CD84: variants seen among roughly 807,000 people sequenced by gnomAD.
CD84 encodes the protein CD84 molecule, also known as SLAM family member 5.
Under a neutral mutation model 33.8 loss-of-function variants are expected in CD84, and 22 were observed. That is an observed-to-expected ratio of 0.65 (90% CI 0.46 to 0.93). The LOEUF (loss-of-function observed/expected upper bound fraction) is 0.93. Among genes scored for constraint, CD84 ranks in the 40% least tolerant of loss-of-function variants. The probability of loss-of-function intolerance (pLI) is 0.00; values close to 1 mark genes in which losing one functional copy is unlikely to be tolerated. For synonymous variants in CD84, 154 were observed against 145.2 expected (o/e 1.06, Z -0.44); for missense variants, 400 against 397.6 (o/e 1.01, Z -0.05).
chr1:160,545,732 C>G lies in CD84; in HGVS notation c.*2524G>C, dbSNP rs1365982468. 6.6e-6 allele frequency: 1 copy of G among 152,250 alleles called. No homozygotes were observed. The highest frequency in any genetic ancestry group is 1.5e-5 in the Non-Finnish European group (1 of 68,160). 9.4% of individuals were successfully genotyped at this position (152,250 alleles called of 1,614,324 possible). ...GCAACCTCCACCTCCCAGGTTCAAG[C>G]AATTCTCCCACCTCAGCCTCCCAAG... is the stretch of plus-strand genomic sequence containing the variant. On this transcript the variant is annotated 3_prime_UTR_variant, in exon 7 of 7. Coordinates refer to ENST00000368054, the MANE Select transcript of CD84 (RefSeq NM_003874.4).
At chr1:160,551,486 A>G (rs1386804880) in intron 4 of CD84, 2 of 175,550 alleles carry the variant, frequency 1.1e-5, no homozygotes, top group African/African-American at 2.4e-5. Flanking sequence ...CTCAATGTTA[A>G]GCCCATAGTA....
At chr1:160,556,935 G>A (rs1656649229) in intron 2 of CD84, among the ~76,000 whole-genome samples, 1 of 152,148 alleles carries the variant, frequency 6.6e-6, no homozygotes, top group South Asian at 2.1e-4. Flanking sequence ...ATTTTCTAAA[G>A]GGTTGACATT....
intron 1 of CD84, among the ~76,000 whole-genome samples, chr1:160,569,163 C>T (rs1657522975): frequency 1.3e-5 from 2 of 152,126 alleles, no homozygotes; most frequent in South Asian, 2.1e-4. Context: ...TTGGTGATGC[C>T]GGGGCCATAC....
intron 2 of CD84, 66 bp from the exon 3 acceptor site, chr1:160,554,212 A>G: frequency 1.5e-6 from 2 of 1,354,954 alleles, no homozygotes; most frequent in Non-Finnish European, 1.9e-6. Context: ...GTGGGAGCCA[A>G]TTGTTAAATT....
Position 160,544,919 on chromosome 1 carries a change from G to T in CD84, c.*3337C>A, listed in dbSNP as rs1655736510. 6.6e-6 allele frequency: 1 copy of T among 152,156 alleles called. No individual in the cohort carries two copies. Among genetic ancestry groups the T allele is most frequent in the Admixed American group, 6.5e-5 (1 of 15,276 alleles). 9.4% of individuals were successfully genotyped at this position (152,156 alleles called of 1,614,324 possible). A position where few individuals can be genotyped will look rare whatever the true frequency, so the allele number is the denominator to read the frequency against. ...TTTTGATGCACATTTTTAAAAACTGGCACACTTTGGTCTGATACAAGATCC... is the reference window on the plus strand; with the variant it reads ...TTTTGATGCACATTTTTAAAAACTGTCACACTTTGGTCTGATACAAGATCC... On this transcript the variant is annotated 3_prime_UTR_variant, in exon 7 of 7. Transcript: ENST00000368054.
intron 4 of CD84, among the ~76,000 whole-genome samples, chr1:160,552,406 A>G (rs1390815434): frequency 3.9e-5 from 6 of 152,176 alleles, no homozygotes; most frequent in Admixed American, 2.0e-4. Flanking sequence ...TTATCAGTAT[A>G]CTAGCTAACA....
intron 4 of CD84, chr1:160,552,616 C>T (rs529333001): frequency 1.1e-4 from 93 of 857,640 alleles, no homozygotes; most frequent in Non-Finnish European, 1.6e-4. Flanking sequence ...AGACTGACTG[C>T]AAATCACGTG....
At chr1:160,560,873 G>A (rs1656907646) in intron 2 of CD84, among the ~76,000 whole-genome samples, 2 of 152,112 alleles carry the variant, frequency 1.3e-5, no homozygotes, top group Admixed American at 1.3e-4. Flanking sequence ...ATATCTCTAT[G>A]TACATAAACT....
Position 160,552,789 on chromosome 1 carries a change from T to C in CD84, c.760+589A>G, listed in dbSNP as rs1314954508. 2.9e-6 allele frequency: 4 copies of C among 1,363,802 alleles called. No homozygotes were observed. In the South Asian group the frequency reaches 3.7e-5, roughly 13 times the overall value. 84.5% of individuals were successfully genotyped at this position (1,363,802 alleles called of 1,614,324 possible). A position where few individuals can be genotyped will look rare whatever the true frequency, so the allele number is the denominator to read the frequency against. ...CAGGAACATGGAAGCAGAAGTTCCATGTTTTTTATTGTGATTGGTGGGAAA... is the reference window on the plus strand; with the variant it reads ...CAGGAACATGGAAGCAGAAGTTCCACGTTTTTTATTGTGATTGGTGGGAAA... On this transcript the variant is annotated intron_variant, in intron 4 of 6. Transcript: ENST00000368054.
At chr1:160,555,446 T>A (rs145477942) in intron 2 of CD84, among the ~76,000 whole-genome samples, 79 of 152,318 alleles carry the variant, frequency 5.2e-4, no homozygotes, top group Non-Finnish European at 9.3e-4. Context: ...CTTTATTTTT[T>A]AAAAACTATC....
intron 1 of CD84, among the ~76,000 whole-genome samples, chr1:160,576,113 AC>A (rs1394785148): frequency 6.6e-6 from 1 of 151,996 alleles, no homozygotes; most frequent in African/African-American, 2.4e-5. Flanking sequence ...TATCTTGAAG[AC>A]CCCTCAATGC....
chr1:160,559,317 G>T (rs1232618261), intron 2 of CD84, among the ~76,000 whole-genome samples: 1 of 152,162 alleles, frequency 6.6e-6, no homozygotes, highest in Non-Finnish European at 1.5e-5. Context: ...AGAGATTGGG[G>T]GCCAATAGTC....
chr1:160,559,452 G>A (rs565079474), intron 2 of CD84, among the ~76,000 whole-genome samples: 15 of 152,118 alleles, frequency 9.9e-5, no homozygotes, highest in Non-Finnish European at 1.9e-4. Context: ...GCGACCACCA[G>A]GCCTGCCTTG....
rs1035985559 is a variant in CD84 at position 160,546,658 on chromosome 1, C to T, written c.*1598G>A. Reference sequence around the variant, plus strand: ...TTTTCATGCTTCTCTCACTTGGAGGCCCTCTGTCTTCCTCATTCTCTATCC... The same window carrying T: ...TTTTCATGCTTCTCTCACTTGGAGGTCCTCTGTCTTCCTCATTCTCTATCC... On this transcript the variant is annotated 3_prime_UTR_variant, in exon 7 of 7. Transcript: ENST00000368054. 2 of 152,866 alleles carry T rather than the reference C, an allele frequency of 1.3e-5. No homozygotes were observed. Among genetic ancestry groups the T allele is most frequent in the Non-Finnish European group, 2.9e-5 (2 of 68,554 alleles). 9.5% of individuals were successfully genotyped at this position (152,866 alleles called of 1,614,324 possible).
intron 1 of CD84, among the ~76,000 whole-genome samples, chr1:160,577,681 G>C (rs1473284017): frequency 6.6e-6 from 1 of 152,172 alleles, no homozygotes; most frequent in Non-Finnish European, 1.5e-5. Context: ...AATGAAAAGC[G>C]AGTGTGAAAA....
chr1:160,569,805 AC>A (rs1657577907), intron 1 of CD84, among the ~76,000 whole-genome samples: 1 of 152,136 alleles, frequency 6.6e-6, no homozygotes, highest in South Asian at 2.1e-4. Context: ...TAGAAGCAGA[AC>A]CTGTGATGTT....
chr1:160,553,609 T>A, intron 3 of CD84, 112 bp from the exon 4 acceptor site: 2 of 1,271,684 alleles, frequency 1.6e-6, no homozygotes, highest in Non-Finnish European at 2.2e-6. Flanking sequence ...TCCGAAGGAG[T>A]GCCAAAGCTC....
chr1:160,565,872 CTTT>C (rs10629263), intron 1 of CD84, 127 bp from the exon 2 acceptor site: 86 of 586,284 alleles, frequency 1.5e-4, no homozygotes, highest in South Asian at 2.1e-4. Flanking sequence ...TTGAGGATGC[CTTT>C]TTTTTTTTTT....
In CD84 at chr1:160,552,966, AG is replaced by A. The variant is rs375324257; in HGVS notation, c.760+411del. ...GGACATAGTGACAACCATGGAGTAC[AG>A]GATTAGTATATGTTTCTCAATGACT... On this transcript the variant is annotated intron_variant, in intron 4 of 6. Coordinates refer to ENST00000368054, the MANE Select transcript of CD84 (RefSeq NM_003874.4). 575 of 586,556 alleles carry A rather than the reference AG, an allele frequency of 9.8e-4. 8 individuals are homozygous for A. In the South Asian group the frequency reaches 0.012, roughly 12 times the overall value. The allele number at this position is 586,556 out of a possible 1,614,324, so 36.3% of individuals were successfully genotyped here.
Sources: allele counts gnomAD v4.1 joint callset (sites outside exome capture counted in the v4.1 genomes callset), GRCh38; gene constraint gnomAD v4.1.1; transcripts MANE v1.5; gene names NCBI Gene and HGNC (gene_info 2026-07-23, HGNC 2026-07-21).